The following SPPL3 variants were observed in gnomAD, a reference collection of about 807,000 sequenced individuals.
SPPL3 encodes signal peptide peptidase-like 3.
A neutral mutation model predicts 42.4 loss-of-function variants in SPPL3; 5 were observed. That is an observed-to-expected ratio of 0.12 (90% CI 0.06 to 0.25). The LOEUF is 0.25. Among genes scored for constraint, SPPL3 ranks in the 10% least tolerant of loss-of-function variants. SPPL3 has a pLI of 1.00. For missense variants in SPPL3, 235 were observed against 489.0 expected, an observed-to-expected ratio of 0.48 and a Z score of 4.90; for synonymous variants, 195 against 181.8, an observed-to-expected ratio of 1.07 and a Z score of -0.58.
chr12:120,801,822 CCT>C, intron 2 of SPPL3, among the ~76,000 whole-genome samples: 1 of 152,106 alleles, frequency 6.6e-6, no homozygotes, highest in South Asian at 2.1e-4. Context: ...GGCCACTGAC[CCT>C]GTCAGCTAAT....
At chr12:120,903,708 AG>A in intron 1 of SPPL3, 136 bp downstream of exon 1, 2 of 724,980 alleles carry the variant, frequency 2.8e-6, no homozygotes, top group South Asian at 2.3e-5. Context: ...GGTGGGGAAG[AG>A]GGGGGCGTGC....
rs376788865 is a variant in SPPL3, at chr12:120,834,414, G to A, written c.24-23528C>T. ...TGGGCTCTGAGTAGGGGTGGTTGGT[G>A]GGGACTCTGCCCTCTGAAGTACCCT... On this transcript the variant is annotated intron_variant, in intron 1 of 10. Coordinates refer to ENST00000353487, the MANE Select transcript of SPPL3 (RefSeq NM_139015.5). Among the ~76,000 whole-genome samples, 10 of 152,150 alleles carry A rather than the reference G, an allele frequency of 6.6e-5. No homozygotes were observed. The South Asian group carries it at 1.2e-3, about 19-fold the overall frequency.
intron 1 of SPPL3, among the ~76,000 whole-genome samples, chr12:120,840,295 A>AC (rs1871776044): frequency 6.6e-6 from 1 of 150,866 alleles, no homozygotes; most frequent in Non-Finnish European, 1.5e-5. Flanking sequence ...AAAAAAAAAA[A>AC]AAAAAAAAGC....
chr12:120,835,137 A>C (rs1871567471), intron 1 of SPPL3, among the ~76,000 whole-genome samples: 1 of 152,190 alleles, frequency 6.6e-6, no homozygotes, highest in East Asian at 1.9e-4. Context: ...CCCTGTTCCA[A>C]CTTCCTTTTA....
intron 1 of SPPL3, among the ~76,000 whole-genome samples, chr12:120,831,436 A>G (rs1171119297): frequency 2.6e-5 from 4 of 152,218 alleles, no homozygotes; most frequent in East Asian, 3.8e-4. Context: ...TCCACTCTTC[A>G]TAAGTCCTTT....
rs147110457 is a variant in SPPL3, at chr12:120,851,279, A to C, written c.24-40393T>G. ...CAGCAGCACATACCACTTCTCCTCC[A>C]CCAGGCTGCCTGTAAATCACTGGCC... On this transcript the variant is annotated intron_variant, in intron 1 of 10. Coordinates refer to ENST00000353487, the MANE Select transcript of SPPL3 (RefSeq NM_139015.5). Among the ~76,000 whole-genome samples the C allele has an allele frequency of 1.4e-4, 22 of 152,244 alleles. 1 individual carries two copies. Among genetic ancestry groups the C allele is most frequent in the Admixed American group, 5.2e-4 (8 of 15,294 alleles).
chr12:120,807,448 G>A (rs1382733672), intron 2 of SPPL3, among the ~76,000 whole-genome samples: 2 of 152,096 alleles, frequency 1.3e-5, no homozygotes, highest in Non-Finnish European at 2.9e-5. Context: ...GGCCGAGGCG[G>A]GCAGATCACG....
chr12:120,799,080 T>C (rs1870202948), intron 2 of SPPL3, among the ~76,000 whole-genome samples: 2 of 152,204 alleles, frequency 1.3e-5, no homozygotes, highest in Admixed American at 1.3e-4. Flanking sequence ...GCTCCTTGAC[T>C]TACAATGGAG....
rs1183239127 is a variant in SPPL3 at position 120,792,297 on chromosome 12, A to G, written c.102-740T>C. On this transcript the variant is annotated intron_variant, in intron 2 of 10. Coordinates refer to ENST00000353487, the MANE Select transcript of SPPL3 (RefSeq NM_139015.5). The stretch of plus-strand genomic sequence containing the variant: ...AAAATGGCACGTCACTTTGATTTAG[A>G]ATTCTTTAACCAGTGAATAATGTTG... 3.9e-5 allele frequency among the ~76,000 whole-genome samples: 6 copies of G among 152,184 alleles called. No individual in the cohort carries two copies. In the South Asian group the frequency reaches 1.2e-3, roughly 32 times the overall value.
At chr12:120,876,016 A>AACCACC (rs1566067012) in intron 1 of SPPL3, among the ~76,000 whole-genome samples, 1 of 144,028 alleles carries the variant, frequency 6.9e-6, no homozygotes, top group Non-Finnish European at 1.5e-5. Context: ...AAACAAACAG[A>AACCACC]CCCCCCCCAC....
intron 1 of SPPL3, among the ~76,000 whole-genome samples, chr12:120,852,329 T>G (rs1215729538): frequency 6.8e-6 from 1 of 146,504 alleles, no homozygotes; most frequent in Non-Finnish European, 1.5e-5. Flanking sequence ...TAATCATATA[T>G]ATTAATTTAT....
chr12:120,794,451 G>A (rs1028303440), intron 2 of SPPL3, among the ~76,000 whole-genome samples: 1 of 152,102 alleles, frequency 6.6e-6, no homozygotes, highest in African/African-American at 2.4e-5. Flanking sequence ...AGGCTGGAGT[G>A]CAGCAGTGTA....
chr12:120,881,796 A>G (rs976428959), intron 1 of SPPL3, among the ~76,000 whole-genome samples: 5 of 114,304 alleles, frequency 4.4e-5, no homozygotes, highest in Admixed American at 8.1e-5. Context: ...GAAAAAGCCA[A>G]TAACAAAAAA....
chr12:120,862,272 G>A (rs1872636059), intron 1 of SPPL3, among the ~76,000 whole-genome samples: 1 of 152,148 alleles, frequency 6.6e-6, no homozygotes, highest in Non-Finnish European at 1.5e-5. Flanking sequence ...GACACCAAAT[G>A]TGTGGGTTTT....
rs527339173 is a variant in SPPL3, at chr12:120,781,555, GTTTTTTTTT to G, written c.502+1091_502+1099del. Reference sequence around the variant, plus strand: ...TCTAATCCCATCTCCTTATTGTTACGTTTTTTTTTTTTTTTTTTTTTTTTTTTTTTTTTT... The same window carrying G: ...TCTAATCCCATCTCCTTATTGTTACGTTTTTTTTTTTTTTTTTTTTTTTTT... On this transcript the variant is annotated intron_variant, in intron 6 of 10. Transcript: ENST00000353487. Among the ~76,000 whole-genome samples the G allele has an allele frequency of 3.0e-3, 186 of 63,008 alleles. 8 individuals are homozygous for G. The highest frequency in any genetic ancestry group is 0.012 in the African/African-American group (179 of 14,640). The allele number at this position is 63,008 out of a possible 152,430, so 41.3% of individuals were successfully genotyped here.
At chr12:120,901,469 T>C (rs976327432) in intron 1 of SPPL3, among the ~76,000 whole-genome samples, 8 of 151,748 alleles carry the variant, frequency 5.3e-5, no homozygotes, top group Non-Finnish European at 1.2e-4. Context: ...CATGTGGCTG[T>C]AGTCCCAGCT....
Position 120,768,936 on chromosome 12 carries a change from A to T in SPPL3, c.609+17T>A. On this transcript the variant is annotated intron_variant, in intron 7 of 10. Transcript: ENST00000353487. ...AACACAAAGAAGGGGAGGAGCTCCA[A>T]GGACATAAACGCTTACCCAAAAGAC... The T allele has an allele frequency of 6.3e-7, 1 of 1,589,082 alleles. No individual in the cohort carries two copies. The highest frequency in any genetic ancestry group is 8.6e-7 in the Non-Finnish European group (1 of 1,166,048).
chr12:120,879,147 TAAAAC>T (rs1448184437), intron 1 of SPPL3, among the ~76,000 whole-genome samples: 1 of 126,356 alleles, frequency 7.9e-6, no homozygotes, highest in Admixed American at 8.0e-5. Context: ...AATAAGATAA[TAAAAC>T]TAAAATAAAA....
intron 1 of SPPL3, among the ~76,000 whole-genome samples, chr12:120,899,888 CAAAAAAAAAAAA>C (rs34814522): frequency 1.4e-5 from 1 of 71,704 alleles, no homozygotes; most frequent in Admixed American, 1.9e-4. Flanking sequence ...GACCCTGTCT[CAAAAAAAAAAAA>C]AAAAAAAAAA....
Sources: allele counts gnomAD v4.1 joint callset (sites outside exome capture counted in the v4.1 genomes callset), GRCh38; gene constraint gnomAD v4.1.1; transcripts MANE v1.5; gene names NCBI Gene and HGNC (gene_info 2026-07-23, HGNC 2026-07-21).